Variants in GALNT17 observed in about 807,000 individuals in gnomAD.
GALNT17 encodes the protein UDP-GalNAc:polypeptide N-acetylgalactosaminyltransferase-like 3.
In GALNT17, 29 loss-of-function variants were observed where a neutral mutation model predicts 63.7. That is an observed-to-expected ratio of 0.46 (90% CI 0.34 to 0.62). The LOEUF (loss-of-function observed/expected upper bound fraction) is 0.62, where lower values mean the gene tolerates loss of function less well. Among genes scored for constraint, GALNT17 ranks in the 20% least tolerant of loss-of-function variants. The pLI is 0.01. For missense variants in GALNT17, 603 were observed against 799.6 expected (o/e 0.75, Z 2.97); for synonymous variants, 305 against 318.3 (o/e 0.96, Z 0.45).
At chr7:71,144,625 C>T (rs143626746) in intron 1 of GALNT17, among the ~76,000 whole-genome samples, 5 of 152,098 alleles carry the variant, frequency 3.3e-5, no homozygotes, top group African/African-American at 9.6e-5. Context: ...CCAGTTACAC[C>T]GAGACAGTAG....
At chr7:71,345,511 AT>A (rs1246898903) in intron 2 of GALNT17, among the ~76,000 whole-genome samples, 1 of 152,176 alleles carries the variant, frequency 6.6e-6, no homozygotes, top group African/African-American at 2.4e-5. Context: ...TCTGCTTTGG[AT>A]GCGGCTGGCA....
intron 2 of GALNT17, among the ~76,000 whole-genome samples, chr7:71,378,915 T>A (rs894564793): frequency 3.3e-5 from 5 of 152,092 alleles, no homozygotes; most frequent in African/African-American, 1.2e-4. Flanking sequence ...GACAGGAGGA[T>A]TGCTTGCACC....
intron 5 of GALNT17, among the ~76,000 whole-genome samples, chr7:71,520,847 A>G (rs1361990505): frequency 1.3e-5 from 2 of 152,120 alleles, no homozygotes; most frequent in East Asian, 3.9e-4. Flanking sequence ...CACTATCAGG[A>G]GGAGAGACTA....
intron 1 of GALNT17, among the ~76,000 whole-genome samples, chr7:71,268,114 G>A (rs566464017): frequency 1.3e-5 from 2 of 152,276 alleles, no homozygotes; most frequent in South Asian, 2.1e-4. Flanking sequence ...AGCCTGGATG[G>A]CACTTCTCTC....
intron 6 of GALNT17, among the ~76,000 whole-genome samples, chr7:71,592,631 C>A (rs1789826861): frequency 7.3e-6 from 1 of 137,102 alleles, no homozygotes; most frequent in East Asian, 2.1e-4. Context: ...GTGAGGCAAC[C>A]CATTCCTCAG....
chr7:71,207,924 T>TTTTTTTC (rs1461716441), intron 1 of GALNT17, among the ~76,000 whole-genome samples: 1 of 151,852 alleles, frequency 6.6e-6, no homozygotes, highest in African/African-American at 2.4e-5. Context: ...TGCCTGTAAT[T>TTTTTTTC]TTTTTTCTTT....
chr7:71,590,389 T>C (rs1299720299), intron 6 of GALNT17, among the ~76,000 whole-genome samples: 1 of 152,224 alleles, frequency 6.6e-6, no homozygotes, highest in Non-Finnish European at 1.5e-5. Flanking sequence ...CTGTGAGTTA[T>C]TTTATAGGAA....
intron 1 of GALNT17, among the ~76,000 whole-genome samples, chr7:71,286,636 C>G (rs1790878652): frequency 6.6e-6 from 1 of 152,170 alleles, no homozygotes; most frequent in Non-Finnish European, 1.5e-5. Context: ...TCTGGAGACC[C>G]ACGATCGATG....
rs142754060 is a variant in GALNT17, at chr7:71,596,480, G to A, written c.1080+25078G>A. On this transcript the variant is annotated intron_variant, in intron 6 of 10. Transcript: ENST00000333538. ...CAAAGTACCTGCAAAGACAGAGGAT[G>A]GAATCTGAGTACAGGTGTAGGAACT... Among the ~76,000 whole-genome samples, 257 of 152,170 alleles carry A rather than the reference G, an allele frequency of 1.7e-3. 2 individuals are homozygous for A. The highest frequency in any genetic ancestry group is 5.9e-3 in the African/African-American group (244 of 41,428).
chr7:71,465,863 G>A lies in GALNT17; in HGVS notation c.962+44758G>A, dbSNP rs557350745. 9.2e-5 allele frequency among the ~76,000 whole-genome samples: 14 copies of A among 152,282 alleles called. No homozygotes were observed. In the South Asian group the frequency reaches 1.0e-3, roughly 11 times the overall value. On this transcript the variant is annotated intron_variant, in intron 5 of 10. Transcript: ENST00000333538. ...TATTGGAAGGACAGTTTATGGTGGCGGGAGAAAGAAAGAGGCTTGGCTAGC... is the reference window on the plus strand; with the variant it reads ...TATTGGAAGGACAGTTTATGGTGGCAGGAGAAAGAAAGAGGCTTGGCTAGC...
chr7:71,592,708 T>G (rs1789828018), intron 6 of GALNT17, among the ~76,000 whole-genome samples: 1 of 152,172 alleles, frequency 6.6e-6, no homozygotes, highest in African/African-American at 2.4e-5. Flanking sequence ...TATGATTTTC[T>G]CAGTCTGGAT....
chr7:71,338,154 C>T (rs925411825), intron 2 of GALNT17, among the ~76,000 whole-genome samples: 2 of 151,486 alleles, frequency 1.3e-5, no homozygotes, highest in Admixed American at 6.6e-5. Flanking sequence ...GGTAAAACCC[C>T]GTATCTACTA....
At chr7:71,365,384 G>A (rs963001307) in intron 2 of GALNT17, among the ~76,000 whole-genome samples, 10 of 152,102 alleles carry the variant, frequency 6.6e-5, no homozygotes, top group South Asian at 2.1e-4. Flanking sequence ...TACTACAGGC[G>A]TGCGCCACCA....
chr7:71,415,018 C>T (rs2906266), intron 3 of GALNT17, among the ~76,000 whole-genome samples: 365 of 151,124 alleles, frequency 2.4e-3, no homozygotes, highest in African/African-American at 8.5e-3. Flanking sequence ...TTTATTTATT[C>T]TTAAAATTAG....
At chr7:71,312,394 ACCTTAATGTTAACTCCTG>A (rs1464772745) in intron 1 of GALNT17, among the ~76,000 whole-genome samples, 4 of 152,066 alleles carry the variant, frequency 2.6e-5, no homozygotes, top group Non-Finnish European at 5.9e-5. Context: ...CTGCATCAAA[ACCTTAATGTTAACTCCTG>A]CCGTGATGTC....
At chr7:71,557,176 A>G (rs894384387) in intron 5 of GALNT17, among the ~76,000 whole-genome samples, 4 of 151,898 alleles carry the variant, frequency 2.6e-5, no homozygotes, top group African/African-American at 9.7e-5. Flanking sequence ...ACAGGCGTGA[A>G]CCACCACATC....
chr7:71,538,373 G>A (rs577642230), intron 5 of GALNT17, among the ~76,000 whole-genome samples: 26 of 152,216 alleles, frequency 1.7e-4, no homozygotes, highest in African/African-American at 2.9e-4. Context: ...CCAGCGGCAC[G>A]TGGACGCAAC....
intron 1 of GALNT17, among the ~76,000 whole-genome samples, chr7:71,197,388 T>C (rs1398489791): frequency 6.6e-6 from 1 of 151,414 alleles, no homozygotes; most frequent in African/African-American, 2.4e-5. Flanking sequence ...TTTTGCATTT[T>C]TAGTGGAGAC....
intron 5 of GALNT17, among the ~76,000 whole-genome samples, chr7:71,568,508 A>G (rs1428833587): frequency 2.0e-5 from 3 of 152,216 alleles, no homozygotes; most frequent in South Asian, 2.1e-4. Flanking sequence ...AGCACCAGCA[A>G]AATGCCTTAA....
Sources: allele counts gnomAD v4.1 joint callset (sites outside exome capture counted in the v4.1 genomes callset), GRCh38; gene constraint gnomAD v4.1.1; transcripts MANE v1.5; gene names NCBI Gene and HGNC (gene_info 2026-07-23, HGNC 2026-07-21).